Variants in RNF213 observed in about 807,000 individuals in gnomAD.
RNF213 encodes the protein E3 ubiquitin-protein ligase RNF213.
In RNF213, 341 loss-of-function variants were observed where a neutral mutation model predicts 514.4. The observed-to-expected ratio is 0.66, with a 90% confidence interval of 0.61 to 0.73. RNF213 has a LOEUF of 0.73. RNF213 is among the 30% of genes least tolerant of loss of function. The pLI is 0.00. For missense variants in RNF213, 5,767 were observed against 6,615.6 expected (o/e 0.87, Z 4.45); for synonymous variants, 2,655 against 2,658.2 (o/e 1.00, Z 0.04).
At chr17:80,292,671 C>T (rs951753524) in intron 8 of RNF213, among the ~76,000 whole-genome samples, 5 of 152,074 alleles carry the variant, frequency 3.3e-5, no homozygotes, top group African/African-American at 7.2e-5. Flanking sequence ...ATGCCTCTCT[C>T]GGGGGTCCCC....
intron 28 of RNF213, 71 bp downstream of exon 28, chr17:80,344,086 A>G: frequency 1.9e-6 from 3 of 1,542,240 alleles, no homozygotes; most frequent in Non-Finnish European, 2.7e-6. Flanking sequence ...CTGAAGTGGA[A>G]TGGCGCGTTT....
chr17:80,381,355 T>C (rs968587032), intron 56 of RNF213, 192 bp from the exon 57 acceptor site: 32 of 674,628 alleles, frequency 4.7e-5, no homozygotes, highest in Non-Finnish European at 6.9e-5. Context: ...TTTATCTCAC[T>C]GTAACAACAG....
chr17:80,307,281 C>A, intron 13 of RNF213, 80 bp downstream of exon 13: 1 of 1,197,698 alleles, frequency 8.3e-7, no homozygotes, highest in Non-Finnish European at 1.2e-6. Context: ...TTGGCCGTGA[C>A]CCACATGTGC....
In RNF213 at chr17:80,372,709, C is replaced by T. The variant is rs765702782; in HGVS notation, c.12726C>T (p.Phe4242=). 7 of 1,613,702 alleles carry T rather than the reference C, an allele frequency of 4.3e-6. No homozygotes were observed. Among genetic ancestry groups the T allele is most frequent in the Non-Finnish European group, 5.9e-6 (7 of 1,180,038 alleles). Residue 4242 remains phenylalanine (F), a synonymous_variant, in exon 48 of 68, where the codon TTC becomes TTT. Transcript: ENST00000582970. ...IRLCLDRAAD[F]LSEPEGGPEM... ...TCTGCCTCGACAGAGCTGCAGATTT[C>T]CTCTCGGAGCCTGAGGGAGGCCCAG... is the stretch of plus-strand genomic sequence containing the variant.
At chr17:80,265,327 G>A (rs1251421662) in intron 2 of RNF213, among the ~76,000 whole-genome samples, 6 of 152,198 alleles carry the variant, frequency 3.9e-5, no homozygotes, top group Non-Finnish European at 5.9e-5. Flanking sequence ...GATTATAGGC[G>A]TGAGCCACCG....
At chr17:80,384,976 G>T in intron 59 of RNF213, 63 bp from the exon 60 acceptor site, 2 of 1,572,246 alleles carry the variant, frequency 1.3e-6, no homozygotes, top group Non-Finnish European at 1.8e-6. Context: ...CTCAAAGTCT[G>T]TAACCCCAAT....
intron 11 of RNF213, among the ~76,000 whole-genome samples, chr17:80,304,367 G>A (rs957535576): frequency 2.6e-5 from 4 of 152,146 alleles, no homozygotes; most frequent in African/African-American, 9.7e-5. Context: ...TTGGCTGGGT[G>A]CAGTGGCTCA....
chr17:80,329,478 C>T (rs1470339860), intron 20 of RNF213, among the ~76,000 whole-genome samples: 1 of 152,216 alleles, frequency 6.6e-6, no homozygotes, highest in Non-Finnish European at 1.5e-5. Flanking sequence ...TCTTGAAGCT[C>T]TTGAGCTCTT....
chr17:80,290,211 G>A (rs2044641236), intron 6 of RNF213, among the ~76,000 whole-genome samples: 3 of 152,226 alleles, frequency 2.0e-5, no homozygotes, highest in Non-Finnish European at 2.9e-5. Context: ...CATGGGGGGT[G>A]GTGTGTCACA....
chr17:80,374,194 G>A (rs867885875), intron 49 of RNF213, among the ~76,000 whole-genome samples: 8 of 152,266 alleles, frequency 5.3e-5, no homozygotes, highest in Non-Finnish European at 7.4e-5. Context: ...GGTGCGGTGC[G>A]CCGCAAACGG....
intron 8 of RNF213, among the ~76,000 whole-genome samples, chr17:80,292,403 C>G (rs534794013): frequency 1.6e-4 from 25 of 152,222 alleles, no homozygotes; most frequent in Admixed American, 4.6e-4. Flanking sequence ...GGAGAGAAAA[C>G]GAAGCCAGAA....
rs1056009086 is a variant in RNF213 at position 80,393,647 on chromosome 17, C to G, written c.*149C>G. On this transcript the variant is annotated 3_prime_UTR_variant, in exon 68 of 68. Coordinates refer to ENST00000582970, the MANE Select transcript of RNF213 (RefSeq NM_001256071.3). ...CGAATTCAAGACCAAGGCGTGCTAC[C>G]TGAGCTGACAGCTTTTTGAAAGCCG... 30 of 790,242 alleles carry G rather than the reference C, an allele frequency of 3.8e-5. No individual in the cohort carries two copies. The highest frequency in any genetic ancestry group is 5.7e-5 in the Non-Finnish European group (28 of 495,194). The allele number at this position is 790,242 out of a possible 1,614,324, so 49.0% of individuals were successfully genotyped here. A position where few individuals can be genotyped will look rare whatever the true frequency, so the allele number is the denominator to read the frequency against.
At chr17:80,374,712 G>A (rs775785209) in intron 50 of RNF213, 123 bp downstream of exon 50, 56 of 1,205,848 alleles carry the variant, frequency 4.6e-5, no homozygotes, top group Non-Finnish European at 6.1e-5. Flanking sequence ...ACGTGACACT[G>A]TATTGGAAGT....
chr17:80,304,982 AT>A (rs1321966755), intron 11 of RNF213, among the ~76,000 whole-genome samples: 1 of 152,032 alleles, frequency 6.6e-6, no homozygotes, highest in Non-Finnish European at 1.5e-5. Flanking sequence ...TTTGTGTCTG[AT>A]TTATTTCACT....
rs770683839 is a variant in RNF213, at chr17:80,290,655, G to A, written c.1198G>A (p.Val400Ile). 1 of 1,614,192 alleles carries A rather than the reference G, an allele frequency of 6.2e-7. No individual in the cohort carries two copies. Among genetic ancestry groups the A allele is most frequent in the East Asian group, 2.2e-5 (1 of 44,886 alleles). Residue 400 changes from valine (V) to isoleucine (I), a missense_variant, in exon 7 of 68, where the codon GTC becomes ATC. Physicochemically the swap from Val to Ile is conservative, Grantham distance 29 (BLOSUM62 3). Around this residue, in one of 13 missense-constraint regions of RNF213, gnomAD observed 509 missense variants for 496.7 expected, o/e 1.02. Transcript: ENST00000582970. ...HFPFNPDLHK[V>I]FIRGGEEFGE... ...CCCATTCAATCCTGACCTCCATAAA[G>A]TCTTCATCAGAGGAGGAGAAGAATT...
intron 13 of RNF213, 121 bp from the exon 14 acceptor site, chr17:80,308,896 TA>T: frequency 8.3e-7 from 1 of 1,202,004 alleles, no homozygotes; most frequent in Non-Finnish European, 1.2e-6. Context: ...TTAACCTAGA[TA>T]AGGTCAAACA....
At chr17:80,383,641 A>G in intron 58 of RNF213, 36 bp from the exon 59 acceptor site, 2 of 1,612,346 alleles carry the variant, frequency 1.2e-6, no homozygotes, top group South Asian at 2.2e-5. Context: ...GCAATACCTC[A>G]CTTCCAGAAT....
At chr17:80,327,599 G>A (rs781510322) in intron 18 of RNF213, among the ~76,000 whole-genome samples, 94 of 152,348 alleles carry the variant, frequency 6.2e-4, no homozygotes, top group Non-Finnish European at 1.2e-3. Context: ...CTTGGACAAG[G>A]AAGTTGTTCA....
chr17:80,292,389 GA>G (rs1269336728), intron 8 of RNF213, among the ~76,000 whole-genome samples: 4 of 152,172 alleles, frequency 2.6e-5, no homozygotes, highest in Non-Finnish European at 5.9e-5. Flanking sequence ...TTAATTAAGG[GA>G]AAGGAGAGAA....
Sources: gnomAD v4.1 joint callset for allele counts (sites outside exome capture counted in the v4.1 genomes callset) on GRCh38, gnomAD v4.1.1 for gene constraint, gnomAD v4.1.1 regional missense constraint, MANE v1.5 for transcripts, NCBI Gene and HGNC (gene_info 2026-07-23, HGNC 2026-07-21) for gene names.